LMO7: variants seen among roughly 807,000 people sequenced by gnomAD.
The protein encoded by LMO7 is LIM domain only protein 7.
A neutral mutation model predicts 206.5 loss-of-function variants in LMO7; 120 were observed. The observed-to-expected ratio is 0.58, with a 90% CI of 0.50 to 0.68. The LOEUF (loss-of-function observed/expected upper bound fraction) is 0.68, where lower values mean the gene tolerates loss of function less well. Ranked by LOEUF, LMO7 falls within the 30% of genes least tolerant of loss-of-function variation. The pLI is 0.00. For synonymous variants in LMO7, 706 were observed against 681.5 expected (o/e 1.04, Z -0.56); for missense variants, 1,959 against 1,957.9 (o/e 1.00, Z -0.01).
rs1203806099 is a variant in LMO7 at position 75,636,683 on chromosome 13, C to T, written c.26C>T (p.Ala9Val). Residue 9 changes from alanine (A) to valine (V), a missense_variant, in exon 1 of 31, where the codon GCC becomes GTC. Coordinates refer to ENST00000377534, the MANE Select transcript of LMO7 (RefSeq NM_001306080.2). Reference sequence around the variant, plus strand: ...ATGGAAGGGCTGGAGGAGGCAGAGGCCAACTGCTCCGTGGCGTTCGCTGAG... The same window carrying T: ...ATGGAAGGGCTGGAGGAGGCAGAGGTCAACTGCTCCGTGGCGTTCGCTGAG... Reference protein sequence around the residue: MEGLEEAEANCSVAFAEAQ... With the variant: MEGLEEAEVNCSVAFAEAQ... 2.5e-6 allele frequency: 4 copies of T among 1,609,366 alleles called. No homozygotes were observed. The African/African-American group carries it at 5.3e-5, about 21-fold the overall frequency.
At chr13:75,696,912 C>T (rs974298387) in intron 1 of LMO7, among the ~76,000 whole-genome samples, 1 of 152,108 alleles carries the variant, frequency 6.6e-6, no homozygotes, top group African/African-American at 2.4e-5. Flanking sequence ...CCAGTTGTGG[C>T]TATGAGGTAA....
At position 75,744,752 on chromosome 13, in the gene LMO7, C is replaced by T. The variant is rs985512427; in HGVS notation, c.211-16180C>T. ...CGGGCACTGTTTCAGGAACTTGGGA[C>T]ACAGCTATAAACAAGGCAGAGTCAT... On this transcript the variant is annotated intron_variant, in intron 3 of 30. Transcript: ENST00000377534. Among the ~76,000 whole-genome samples, 3 of 152,242 alleles carry T rather than the reference C, an allele frequency of 2.0e-5. 1 individual carries two copies. In the Middle Eastern group the frequency reaches 0.01, roughly 518 times the overall value.
chr13:75,727,089 A>G lies in LMO7; in HGVS notation c.201A>G (p.Ile67Met). ...IKKINRLSTP[I>M]AGLDNINVFL... is the part of the protein sequence containing the mutation. The stretch of plus-strand genomic sequence containing the variant: ...AGATCAATAGACTGTCTACACCAAT[A>G]GCAGGATTGGTAAGTAGTAAATTAT... The change falls in exon 3 of 31, where the codon ATA (isoleucine) becomes ATG (methionine). Residue 67 changes from isoleucine (I) to methionine (M), a missense_variant. Coordinates refer to ENST00000377534, the MANE Select transcript of LMO7 (RefSeq NM_001306080.2). The G allele has an allele frequency of 6.4e-7, 1 of 1,572,156 alleles. No individual in the cohort carries two copies. Among genetic ancestry groups the G allele is most frequent in the Non-Finnish European group, 8.7e-7 (1 of 1,143,842 alleles).
intron 1 of LMO7, among the ~76,000 whole-genome samples, chr13:75,695,210 C>T (rs1014038275): frequency 1.3e-4 from 20 of 152,210 alleles, no homozygotes; most frequent in African/African-American, 4.6e-4. Context: ...TCATGAGCTT[C>T]TTGGTTGTAC....
At chr13:75,628,932 G>A (rs2034549889) in intron 2 of LMO7, among the ~76,000 whole-genome samples, 2 of 152,172 alleles carry the variant, frequency 1.3e-5, no homozygotes, top group South Asian at 4.1e-4. Context: ...CTGTACAAAA[G>A]CATTTTCTAA....
At chr13:75,633,614 A>G (rs2035296038), upstream of LMO7, among the ~76,000 whole-genome samples, 1 of 152,182 alleles carries the variant, frequency 6.6e-6, no homozygotes, top group African/African-American at 2.4e-5. Context: ...GTCATTCCAA[A>G]AAAAGGGGGA....
At chr13:75,790,492 C>T (rs1045630077) in intron 4 of LMO7, among the ~76,000 whole-genome samples, 1 of 152,156 alleles carries the variant, frequency 6.6e-6, no homozygotes, top group African/African-American at 2.4e-5. Context: ...AAGCTTCCTC[C>T]TCAGGGAACG....
chr13:75,795,033 G>A (rs1370198216), intron 4 of LMO7, among the ~76,000 whole-genome samples: 1 of 150,944 alleles, frequency 6.6e-6, no homozygotes, highest in Non-Finnish European at 1.5e-5. Context: ...CTTTTTTCAT[G>A]AACACACTGA....
At chr13:75,749,346 T>C (rs978964320) in intron 3 of LMO7, among the ~76,000 whole-genome samples, 4 of 152,230 alleles carry the variant, frequency 2.6e-5, no homozygotes, top group Admixed American at 1.3e-4. Context: ...CTTTGGAACA[T>C]GGTTAACTTG....
intron 1 of LMO7, among the ~76,000 whole-genome samples, chr13:75,653,195 A>T (rs140922599): frequency 6.6e-6 from 1 of 152,234 alleles, no homozygotes. Context: ...GAAAGTTAAC[A>T]TACTTGCATA....
chr13:75,635,644 G>C (rs735821), upstream of LMO7, among the ~76,000 whole-genome samples: 47,816 of 151,970 alleles, frequency 0.31, 7,728 homozygotes, highest in African/African-American at 0.36. Context: ...CGAACCCTCA[G>C]CCGCGAGCCG....
chr13:75,715,294 T>C (rs1338444764), intron 2 of LMO7, among the ~76,000 whole-genome samples: 1 of 152,244 alleles, frequency 6.6e-6, no homozygotes, highest in Non-Finnish European at 1.5e-5. Context: ...GAAAAACTAT[T>C]GTGAGCACAA....
chr13:75,630,985 A>G (rs968658157), intron 2 of LMO7, among the ~76,000 whole-genome samples: 22 of 149,488 alleles, frequency 1.5e-4, no homozygotes, highest in African/African-American at 5.4e-4. Context: ...ATATATTTTA[A>G]CTCTTTCCCT....
chr13:75,766,581 T>A (rs376134060), intron 4 of LMO7, among the ~76,000 whole-genome samples: 3 of 152,104 alleles, frequency 2.0e-5, no homozygotes, highest in East Asian at 3.9e-4. Context: ...GATGGCCCTG[T>A]AAATTTAATA....
At chr13:75,738,400 T>G (rs2046132396) in intron 3 of LMO7, among the ~76,000 whole-genome samples, 1 of 152,226 alleles carries the variant, frequency 6.6e-6, no homozygotes, top group South Asian at 2.1e-4. Flanking sequence ...AGAGAGATGT[T>G]AAGATGGTTT....
At chr13:75,804,228 G>A (rs1222662730) in intron 7 of LMO7, 61 bp from the exon 8 acceptor site, 2 of 1,551,254 alleles carry the variant, frequency 1.3e-6, no homozygotes, top group Non-Finnish European at 1.7e-6. Context: ...GGCGCGCTGT[G>A]TGGGTTTCAG....
At chr13:75,651,629 C>T (rs1041279373) in intron 1 of LMO7, among the ~76,000 whole-genome samples, 4 of 152,130 alleles carry the variant, frequency 2.6e-5, no homozygotes, top group African/African-American at 4.8e-5. Context: ...CTCCCAGCCT[C>T]GTTATTCAGT....
At position 75,856,502 on chromosome 13, in the gene LMO7, CCA is replaced by C; in HGVS notation, c.4771-3_4771-2del. Reference sequence around the variant, plus strand: ...GTAGATGTTCTTTTTTTTTTGTTCCCCAGTGTGTTGCCTGTGAGTGTGACCTC... The same window carrying C: ...GTAGATGTTCTTTTTTTTTTGTTCCCGTGTGTTGCCTGTGAGTGTGACCTC... On this transcript the variant is annotated splice_acceptor_variant and splice_polypyrimidine_tract_variant and intron_variant, in intron 29 of 30. Coordinates refer to ENST00000377534, the MANE Select transcript of LMO7 (RefSeq NM_001306080.2). LOFTEE classifies it high-confidence loss of function. 6.3e-7 allele frequency: 1 copy of C among 1,585,874 alleles called. No homozygotes were observed. Among genetic ancestry groups the C allele is most frequent in the Non-Finnish European group, 8.6e-7 (1 of 1,156,384 alleles).
chr13:75,666,674 A>C (rs1360154090), intron 1 of LMO7, among the ~76,000 whole-genome samples: 1 of 152,252 alleles, frequency 6.6e-6, no homozygotes, highest in Non-Finnish European at 1.5e-5. Context: ...GGGGGCCTTC[A>C]ACATTTTTTA....
Sources: gnomAD v4.1 joint callset for allele counts (sites outside exome capture counted in the v4.1 genomes callset) on GRCh38, gnomAD v4.1.1 for gene constraint, MANE v1.5 for transcripts, NCBI Gene and HGNC (gene_info 2026-07-23, HGNC 2026-07-21) for gene names.